AGAP1: variants seen among roughly 807,000 people sequenced by gnomAD.
AGAP1 encodes arf-GAP with GTPase, ANK repeat and PH domain-containing protein 1.
In AGAP1, 29 loss-of-function variants were observed where a neutral mutation model predicts 105.3. The ratio of observed to expected loss-of-function variants is 0.28; its 90% CI spans 0.21 to 0.38. AGAP1 has a LOEUF of 0.38. AGAP1 is among the 10% of genes least tolerant of loss of function. AGAP1 has a pLI of 1.00. For synonymous variants in AGAP1, 509 were observed against 485.9 expected, an observed-to-expected ratio of 1.05 and a Z score of -0.63; for missense variants, 998 against 1,165.1, an observed-to-expected ratio of 0.86 and a Z score of 2.09.
intron 1 of AGAP1, among the ~76,000 whole-genome samples, chr2:235,575,071 C>T (rs1368210790): frequency 6.6e-6 from 1 of 151,992 alleles, no homozygotes; most frequent in African/African-American, 2.4e-5. Context: ...TGCAGTGAGC[C>T]ACGATCGTAC....
chr2:236,025,247 C>T (rs775621223), intron 13 of AGAP1, among the ~76,000 whole-genome samples: 20 of 152,164 alleles, frequency 1.3e-4, no homozygotes, highest in Non-Finnish European at 2.6e-4. Flanking sequence ...TCCTCACAGG[C>T]ACATGCTCGT....
Position 235,963,764 on chromosome 2 carries a change from G to C in AGAP1, c.1484-4698G>C, listed in dbSNP as rs1399671327. Among the ~76,000 whole-genome samples the C allele has an allele frequency of 6.6e-6, 1 of 152,158 alleles. No homozygotes were observed. Among genetic ancestry groups the C allele is most frequent in the Non-Finnish European group, 1.5e-5 (1 of 68,040 alleles). On this transcript the variant is annotated intron_variant, in intron 12 of 17. Transcript: ENST00000304032. The surrounding 1 kb of genome is among the most constrained non-coding windows in gnomAD (Gnocchi z 5.1). ...TATATGGGAGTATATGCTCAGAACG[G>C]TCAAGCATAACTAAGGCGATAGTGA... is the stretch of plus-strand genomic sequence containing the variant.
chr2:235,783,250 AAG>A (rs1226669734), intron 6 of AGAP1: 3 of 415,956 alleles, frequency 7.2e-6, no homozygotes, highest in East Asian at 8.2e-5. Context: ...GATTAAAAAA[AAG>A]AGTTGAATTT....
rs907682085 is a variant in AGAP1, at chr2:235,747,993, A to T, written c.539-2361A>T. ...AGCTCTTTCTGGGCAGTAGCCAAGGACTGCACGAATGTTCATAATTGGGCA... is the reference window on the plus strand; with the variant it reads ...AGCTCTTTCTGGGCAGTAGCCAAGGTCTGCACGAATGTTCATAATTGGGCA... On this transcript the variant is annotated intron_variant, in intron 5 of 17. Transcript: ENST00000304032. This position sits in a 1 kb window ranked among gnomAD's most constrained non-coding sequence, Gnocchi z 5.0. Among the ~76,000 whole-genome samples, 3 of 152,252 alleles carry T rather than the reference A, an allele frequency of 2.0e-5. No individual in the cohort carries two copies. The highest frequency in any genetic ancestry group is 7.2e-5 in the African/African-American group (3 of 41,466).
At chr2:235,755,743 C>T (rs775207522) in intron 6 of AGAP1, among the ~76,000 whole-genome samples, 2 of 152,124 alleles carry the variant, frequency 1.3e-5, no homozygotes, top group Non-Finnish European at 2.9e-5. Flanking sequence ...ACCCAGCTTG[C>T]GATTCTTCTT....
At chr2:235,896,086 C>T (rs774904219) in intron 10 of AGAP1, among the ~76,000 whole-genome samples, 8 of 152,190 alleles carry the variant, frequency 5.3e-5, no homozygotes, top group South Asian at 2.1e-4. Context: ...ACAAACTCTA[C>T]GCATAAACAC....
intron 1 of AGAP1, among the ~76,000 whole-genome samples, chr2:235,649,775 T>C (rs937265164): frequency 3.9e-5 from 6 of 152,244 alleles, no homozygotes; most frequent in African/African-American, 1.4e-4. Context: ...ACGGTAACGA[T>C]ACTGTAATGT....
intron 9 of AGAP1, among the ~76,000 whole-genome samples, chr2:235,862,108 A>G (rs1453777986): frequency 1.3e-5 from 2 of 152,124 alleles, no homozygotes; most frequent in African/African-American, 2.4e-5. Flanking sequence ...GCAGGAGTGC[A>G]TTAGACCACT....
chr2:235,870,445 G>T (rs1482138489), intron 9 of AGAP1, among the ~76,000 whole-genome samples: 1 of 152,080 alleles, frequency 6.6e-6, no homozygotes, highest in African/African-American at 2.4e-5. Context: ...TAGCCAACAT[G>T]GCGAAACCCT....
At chr2:235,675,256 C>G (rs1575095735) in intron 1 of AGAP1, among the ~76,000 whole-genome samples, 1 of 147,854 alleles carries the variant, frequency 6.8e-6, no homozygotes, top group East Asian at 2.0e-4. Flanking sequence ...GTGGCGCGAT[C>G]TCAGCTCACT....
At chr2:235,916,168 G>GA (rs11284275) in intron 11 of AGAP1, among the ~76,000 whole-genome samples, 7 of 151,712 alleles carry the variant, frequency 4.6e-5, no homozygotes, top group Middle Eastern at 3.4e-3. Flanking sequence ...GTCTACTCCA[G>GA]AAAAAAAAAG....
chr2:236,111,541 C>T (rs1284867584), intron 16 of AGAP1, among the ~76,000 whole-genome samples: 1 of 151,830 alleles, frequency 6.6e-6, no homozygotes. Flanking sequence ...TGTCTCAACA[C>T]TTGTAATCCC....
chr2:235,935,739 T>TGGAA (rs1374365848), intron 12 of AGAP1, among the ~76,000 whole-genome samples: 1 of 152,244 alleles, frequency 6.6e-6, no homozygotes, highest in Non-Finnish European at 1.5e-5. Flanking sequence ...TGAATCTTAT[T>TGGAA]GGAAGCCTGT....
rs1172393048 is a variant in AGAP1 at position 235,746,377 on chromosome 2, C to CTTTTTTTTTTTTTTTTTTTTTTTTTTT, written c.538+1546_538+1572dup. Among the ~76,000 whole-genome samples the CTTTTTTTTTTTTTTTTTTTTTTTTTTT allele has an allele frequency of 7.2e-5, 4 of 55,546 alleles. 1 individual carries two copies. The highest frequency in any genetic ancestry group is 9.1e-5 in the Non-Finnish European group (3 of 32,920). 36.4% of individuals were successfully genotyped at this position (55,546 alleles called of 152,430 possible). On this transcript the variant is annotated intron_variant, in intron 5 of 17. Coordinates refer to ENST00000304032, the MANE Select transcript of AGAP1 (RefSeq NM_001037131.3). ...GCTTCCTGGAGAGCACCTCCCCCAA[C>CTTTTTTTTTTTTTTTTTTTTTTTTTTT]TTTTTTTTTTTTTTTTTTTTTTTTT...
In AGAP1 at chr2:235,799,692, A is replaced by G. The variant is rs567164264; in HGVS notation, c.957+170A>G. On this transcript the variant is annotated intron_variant, in intron 8 of 17. Coordinates refer to ENST00000304032, the MANE Select transcript of AGAP1 (RefSeq NM_001037131.3). This position sits in a 1 kb window ranked among gnomAD's most constrained non-coding sequence, Gnocchi z 5.0. ...AAAATTAAGAGAAGCAAAGATTTGG[A>G]TGTTGAGTAGAATGGGAATTTCTTC... Among the ~76,000 whole-genome samples, 3 of 152,302 alleles carry G rather than the reference A, an allele frequency of 2.0e-5. No homozygotes were observed. The South Asian group carries it at 6.2e-4, about 32-fold the overall frequency.
intron 11 of AGAP1, among the ~76,000 whole-genome samples, chr2:235,928,958 T>C (rs988297915): frequency 1.3e-5 from 2 of 152,204 alleles, no homozygotes; most frequent in Non-Finnish European, 2.9e-5. Context: ...CACATGGCAC[T>C]GTCATTCAAG....
intron 11 of AGAP1, among the ~76,000 whole-genome samples, chr2:235,929,697 C>T (rs914516842): frequency 6.6e-6 from 1 of 151,934 alleles, no homozygotes; most frequent in African/African-American, 2.4e-5. Flanking sequence ...TCATCCATAT[C>T]ACCGGAGTGC....
At chr2:236,108,104 A>G (rs999050778) in intron 16 of AGAP1, among the ~76,000 whole-genome samples, 2 of 152,220 alleles carry the variant, frequency 1.3e-5, no homozygotes, top group African/African-American at 4.8e-5. Context: ...ATAAATATCC[A>G]TTGGCCTTTG....
At chr2:235,503,413 C>T (rs1025116356) in intron 1 of AGAP1, among the ~76,000 whole-genome samples, 9 of 152,090 alleles carry the variant, frequency 5.9e-5, no homozygotes, top group Non-Finnish European at 1.0e-4. Context: ...GCTGGAAGTT[C>T]AGCCTGGTGA....
Sources: allele counts gnomAD v4.1 joint callset (sites outside exome capture counted in the v4.1 genomes callset), GRCh38; gene constraint gnomAD v4.1.1; non-coding constraint Gnocchi (gnomAD v3.1); transcripts MANE v1.5; gene names NCBI Gene and HGNC (gene_info 2026-07-23, HGNC 2026-07-21).